Variants in MCTP2 observed in about 807,000 individuals in gnomAD.
MCTP2 encodes multiple C2 and transmembrane domain-containing protein 2.
Under a neutral mutation model 111.6 loss-of-function variants are expected in MCTP2, and 132 were observed. The observed-to-expected ratio is 1.18, with a 90% CI of 1.03 to 1.37. The LOEUF is 1.37. MCTP2 is among the 40% of genes most tolerant of loss of function. The probability of loss-of-function intolerance (pLI) is 0.00; values close to 1 mark genes in which losing one functional copy is unlikely to be tolerated. For missense variants in MCTP2, 1,183 were observed against 1,067.9 expected (o/e 1.11, Z -1.50); for synonymous variants, 395 against 387.7 (o/e 1.02, Z -0.22).
Position 94,367,804 on chromosome 15 carries a change from C to A in MCTP2, c.1488+13C>A. On this transcript the variant is annotated intron_variant, in intron 11 of 22. Coordinates refer to ENST00000357742, the MANE Select transcript of MCTP2 (RefSeq NM_001385001.1). ...TACCCAGCGATATGTGAGTGTTTTTCCTTATTGTACACTCCCCCTCCTCCC... is the reference window on the plus strand; with the variant it reads ...TACCCAGCGATATGTGAGTGTTTTTACTTATTGTACACTCCCCCTCCTCCC... The A allele has an allele frequency of 6.3e-7, 1 of 1,590,350 alleles. No homozygotes were observed. The highest frequency in any genetic ancestry group is 8.5e-7 in the Non-Finnish European group (1 of 1,170,430).
chr15:94,283,235 G>A (rs1338859914), intron 1 of MCTP2, among the ~76,000 whole-genome samples: 2 of 152,184 alleles, frequency 1.3e-5, no homozygotes, highest in Non-Finnish European at 2.9e-5. Flanking sequence ...CCCTGGGAGA[G>A]GCCAGCAGAC....
At chr15:94,240,512 T>A (rs753814817) in intron 1 of MCTP2, among the ~76,000 whole-genome samples, 2 of 152,204 alleles carry the variant, frequency 1.3e-5, no homozygotes, top group Non-Finnish European at 2.9e-5. Context: ...CTCCTGAGTT[T>A]GGAAGTAGCT....
At chr15:94,475,874 G>A (rs540250364) in intron 21 of MCTP2, among the ~76,000 whole-genome samples, 1 of 151,924 alleles carries the variant, frequency 6.6e-6, no homozygotes, top group South Asian at 2.1e-4. Flanking sequence ...AGCCACCAAA[G>A]AGGGACGGTC....
intron 19 of MCTP2, among the ~76,000 whole-genome samples, chr15:94,444,947 G>A (rs2084033573): frequency 6.6e-6 from 1 of 152,178 alleles, no homozygotes; most frequent in South Asian, 2.1e-4. Flanking sequence ...CCAACAAGAT[G>A]ATGAATGGAA....
In MCTP2 at chr15:94,483,600, A is replaced by C. The variant is rs1296847429; in HGVS notation, c.*4566A>C. 10 of 152,240 alleles carry C rather than the reference A, an allele frequency of 6.6e-5. No individual in the cohort carries two copies. Among genetic ancestry groups the C allele is most frequent in the South Asian group, 4.1e-4 (2 of 4,834 alleles). 9.4% of individuals were successfully genotyped at this position (152,240 alleles called of 1,614,324 possible). ...GCCATTATCCTTAGCAAACTAATGC[A>C]GCAACAGAAAACCAAATACCACATG... On this transcript the variant is annotated 3_prime_UTR_variant, in exon 23 of 23. Coordinates refer to ENST00000357742, the MANE Select transcript of MCTP2 (RefSeq NM_001385001.1).
At chr15:94,375,218 T>C (rs1328469101) in intron 12 of MCTP2, among the ~76,000 whole-genome samples, 1 of 152,118 alleles carries the variant, frequency 6.6e-6, no homozygotes, top group African/African-American at 2.4e-5. Flanking sequence ...TTGAGAACTC[T>C]ATCAGGAGAT....
At chr15:94,307,164 T>C (rs756349943) in intron 2 of MCTP2, among the ~76,000 whole-genome samples, 3 of 151,902 alleles carry the variant, frequency 2.0e-5, no homozygotes, top group Non-Finnish European at 4.4e-5. Flanking sequence ...GTCAACAAAA[T>C]AGAAAAAAGT....
At chr15:94,334,311 C>G (rs1345188267) in intron 4 of MCTP2, among the ~76,000 whole-genome samples, 1 of 152,206 alleles carries the variant, frequency 6.6e-6, no homozygotes, top group African/African-American at 2.4e-5. Flanking sequence ...ACGTCTGAGA[C>G]TTTAATTCAC....
At chr15:94,308,711 A>G (rs1194082396) in intron 2 of MCTP2, among the ~76,000 whole-genome samples, 3 of 140,078 alleles carry the variant, frequency 2.1e-5, no homozygotes, top group South Asian at 2.1e-4. Flanking sequence ...AGGGGTTGAT[A>G]AACTTTTTTT....
At chr15:94,398,514 T>C (rs557341515) in intron 14 of MCTP2, among the ~76,000 whole-genome samples, 1 of 152,342 alleles carries the variant, frequency 6.6e-6, no homozygotes, top group South Asian at 2.1e-4. Flanking sequence ...TGCACCAATA[T>C]CTTTTTTCTG....
intron 17 of MCTP2, among the ~76,000 whole-genome samples, chr15:94,425,513 T>TA (rs577328708): frequency 2.4e-4 from 35 of 148,908 alleles, no homozygotes; most frequent in East Asian, 6.0e-4. Flanking sequence ...CAATACATTA[T>TA]AAAAAAAACA....
rs1383409045 is a variant in MCTP2 at position 94,481,407 on chromosome 15, C to A, written c.*2373C>A. On this transcript the variant is annotated 3_prime_UTR_variant, in exon 23 of 23. Coordinates refer to ENST00000357742, the MANE Select transcript of MCTP2 (RefSeq NM_001385001.1). Reference sequence around the variant, plus strand: ...GTTCCTCGTGCTGTTGTCCTCGTCTCCCAACCCCTAAAGCCTAGTAGGTCC... The same window carrying A: ...GTTCCTCGTGCTGTTGTCCTCGTCTACCAACCCCTAAAGCCTAGTAGGTCC... 1 of 152,236 alleles carries A rather than the reference C, an allele frequency of 6.6e-6. No individual in the cohort carries two copies. Among genetic ancestry groups the A allele is most frequent in the Non-Finnish European group, 1.5e-5 (1 of 68,100 alleles). 9.4% of individuals were successfully genotyped at this position (152,236 alleles called of 1,614,324 possible). A position where few individuals can be genotyped will look rare whatever the true frequency, so the allele number is the denominator to read the frequency against.
At chr15:94,300,787 G>T (rs1195458058) in intron 2 of MCTP2, among the ~76,000 whole-genome samples, 4 of 152,148 alleles carry the variant, frequency 2.6e-5, no homozygotes, top group Non-Finnish European at 4.4e-5. Flanking sequence ...TGTTATCTGT[G>T]AAGCAGTGTC....
At chr15:94,333,008 A>G (rs1235628640) in intron 4 of MCTP2, among the ~76,000 whole-genome samples, 5 of 152,236 alleles carry the variant, frequency 3.3e-5, no homozygotes, top group Non-Finnish European at 7.3e-5. Context: ...ATGCTGAGGC[A>G]GGCAGATTGC....
intron 3 of MCTP2, 141 bp downstream of exon 3, chr15:94,314,485 T>G: frequency 1.6e-6 from 1 of 636,346 alleles, no homozygotes; most frequent in South Asian, 2.1e-5. Flanking sequence ...AAACCAGGCC[T>G]TGCAAATTTT....
rs1439772767 is a variant in MCTP2, at chr15:94,281,388, C to G, written c.-65-16813C>G. Among the ~76,000 whole-genome samples, 3 of 152,184 alleles carry G rather than the reference C, an allele frequency of 2.0e-5. No homozygotes were observed. In the South Asian group the frequency reaches 6.2e-4, roughly 32 times the overall value. On this transcript the variant is annotated intron_variant, in intron 1 of 22. Transcript: ENST00000357742. ...TGGAAAAAAATAGGAACCCCTGCTT[C>G]TTTTGTTTTCTATTTGCTTAATAGA... is the stretch of plus-strand genomic sequence containing the variant.
intron 3 of MCTP2, chr15:94,314,661 G>C (rs294552): frequency 1.9e-6 from 1 of 528,574 alleles, no homozygotes. Flanking sequence ...CTTAGCCACA[G>C]GATCGATTAA....
At chr15:94,312,835 A>G (rs2076209352) in intron 2 of MCTP2, among the ~76,000 whole-genome samples, 1 of 150,922 alleles carries the variant, frequency 6.6e-6, no homozygotes, top group South Asian at 2.1e-4. Context: ...GCTCCTCACC[A>G]TTTCTCGTGG....
At chr15:94,271,826 A>C (rs774347832) in intron 1 of MCTP2, among the ~76,000 whole-genome samples, 1 of 152,196 alleles carries the variant, frequency 6.6e-6, no homozygotes, top group African/African-American at 2.4e-5. Flanking sequence ...TGGCTTTGGA[A>C]CATATGCATA....
Sources: allele counts gnomAD v4.1 joint callset (sites outside exome capture counted in the v4.1 genomes callset), GRCh38; gene constraint gnomAD v4.1.1; transcripts MANE v1.5; gene names NCBI Gene and HGNC (gene_info 2026-07-23, HGNC 2026-07-21).